OXSR1: variants seen among roughly 807,000 people sequenced by gnomAD.
OXSR1 encodes the protein oxidative stress responsive kinase 1, also known as serine/threonine-protein kinase OSR1.
In OXSR1, 24 loss-of-function variants were observed where a neutral mutation model predicts 79.8. The observed-to-expected ratio is 0.30, with a 90% confidence interval of 0.22 to 0.42. OXSR1 has a LOEUF of 0.42. Among genes scored for constraint, OXSR1 ranks in the 10% least tolerant of loss-of-function variants. The pLI is 1.00. For missense variants in OXSR1, 430 were observed against 618.4 expected (o/e 0.70, Z 3.23); for synonymous variants, 226 against 209.2 (o/e 1.08, Z -0.69).
At chr3:38,202,184 G>A (rs1054328887) in intron 4 of OXSR1, among the ~76,000 whole-genome samples, 1 of 152,186 alleles carries the variant, frequency 6.6e-6, no homozygotes, top group African/African-American at 2.4e-5. Flanking sequence ...ATAAAAAACT[G>A]AGGAAGCAGA....
chr3:38,252,773 T>A, intron 17 of OXSR1, 44 bp from the exon 18 acceptor site: 1 of 1,509,874 alleles, frequency 6.6e-7, no homozygotes, highest in South Asian at 1.1e-5. Flanking sequence ...ACCTGCAAGT[T>A]TGTTTATAAA....
chr3:38,180,062 C>T (rs747073326), intron 1 of OXSR1, among the ~76,000 whole-genome samples: 10 of 152,196 alleles, frequency 6.6e-5, no homozygotes, highest in Non-Finnish European at 1.5e-4. Flanking sequence ...CCCACCTTGG[C>T]TTCCCAAAGT....
At chr3:38,202,818 C>T (rs1241600040) in intron 4 of OXSR1, among the ~76,000 whole-genome samples, 1 of 152,146 alleles carries the variant, frequency 6.6e-6, no homozygotes, top group Non-Finnish European at 1.5e-5. Flanking sequence ...AAGAGGTGAG[C>T]CCTCTGTCAC....
intron 1 of OXSR1, among the ~76,000 whole-genome samples, chr3:38,177,412 C>G (rs1701694172): frequency 6.6e-6 from 1 of 152,186 alleles, no homozygotes; most frequent in Admixed American, 6.5e-5. Flanking sequence ...AGCCAAGAAG[C>G]AGATCAACTG....
At chr3:38,198,436 G>A (rs1702105110) in intron 3 of OXSR1, among the ~76,000 whole-genome samples, 1 of 152,050 alleles carries the variant, frequency 6.6e-6, no homozygotes, top group African/African-American at 2.4e-5. Flanking sequence ...GTTTACCTAG[G>A]GATTATTTAG....
Position 38,228,157 on chromosome 3 carries a change from A to C in OXSR1, c.837-1530A>C, listed in dbSNP as rs750123192. Among the ~76,000 whole-genome samples, 7 of 152,190 alleles carry C rather than the reference A, an allele frequency of 4.6e-5. 1 individual carries two copies. The highest frequency in any genetic ancestry group is 3.2e-3 in the Middle Eastern group (1 of 316). ...CTGTGACTTTAACCCAGAGTTCTCC[A>C]GCTAGTCAGACTATCATTCAAGAAT... On this transcript the variant is annotated intron_variant, in intron 8 of 17. Transcript: ENST00000311806.
At chr3:38,224,783 A>G in intron 8 of OXSR1, 79 bp downstream of exon 8, 1 of 951,338 alleles carries the variant, frequency 1.1e-6, no homozygotes, top group Non-Finnish European at 1.5e-6. Context: ...TCATATGTAC[A>G]GGAAATTATT....
Position 38,251,465 on chromosome 3 carries a change from G to A in OXSR1, c.1438G>A (p.Val480Ile). 2 of 1,610,614 alleles carry A rather than the reference G, an allele frequency of 1.2e-6. No individual in the cohort carries two copies. Among genetic ancestry groups the A allele is most frequent in the Non-Finnish European group, 1.7e-6 (2 of 1,176,860 alleles). ...TGGCCTGGTCGACGGAAGGGATTTAGTAATAGGTAACTCCATTGCGTTCTG... is the reference window on the plus strand; with the variant it reads ...TGGCCTGGTCGACGGAAGGGATTTAATAATAGGTAACTCCATTGCGTTCTG... ...SAGLVDGRDLVIVAANLQKIV... is the reference protein window; with the variant it reads ...SAGLVDGRDLIIVAANLQKIV... Residue 480 changes from valine (V) to isoleucine (I), a missense_variant, in exon 16 of 18, where the codon GTA becomes ATA. This residue lies in a region of OXSR1 where 276 missense variants were observed against 354.2 expected (regional missense o/e 0.78). Transcript: ENST00000311806.
At chr3:38,207,888 G>A (rs908778936) in intron 4 of OXSR1, among the ~76,000 whole-genome samples, 2 of 17,388 alleles carry the variant, frequency 1.2e-4, no homozygotes, top group Admixed American at 1.0e-3. Context: ...CCCCACCCCC[G>A]TCCTTCCTCC....
At chr3:38,176,619 G>A (rs953041078) in intron 1 of OXSR1, among the ~76,000 whole-genome samples, 1 of 152,196 alleles carries the variant, frequency 6.6e-6, no homozygotes, top group African/African-American at 2.4e-5. Context: ...AAGAACTGGA[G>A]CCTGCAAATC....
At chr3:38,179,563 A>G (rs1415775584) in intron 1 of OXSR1, among the ~76,000 whole-genome samples, 2 of 152,202 alleles carry the variant, frequency 1.3e-5, no homozygotes, top group African/African-American at 4.8e-5. Context: ...AACCATCACC[A>G]TTAATTCCAG....
At chr3:38,232,278 G>A (rs1702824834) in intron 10 of OXSR1, among the ~76,000 whole-genome samples, 1 of 151,890 alleles carries the variant, frequency 6.6e-6, no homozygotes. Context: ...AAAAATTAAT[G>A]AGCTATGGTG....
chr3:38,247,203 G>A (rs532529060), intron 13 of OXSR1, among the ~76,000 whole-genome samples: 1 of 152,046 alleles, frequency 6.6e-6, no homozygotes, highest in African/African-American at 2.4e-5. Flanking sequence ...AGCAAGCGCT[G>A]TACAATTTTC....
intron 11 of OXSR1, among the ~76,000 whole-genome samples, chr3:38,237,435 C>T (rs1347546922): frequency 2.0e-5 from 3 of 152,180 alleles, no homozygotes; most frequent in Non-Finnish European, 4.4e-5. Context: ...TGGTTCATTT[C>T]ATCACTCTTG....
At chr3:38,208,995 CGT>C (rs1702327631) in intron 4 of OXSR1, among the ~76,000 whole-genome samples, 3 of 150,976 alleles carry the variant, frequency 2.0e-5, no homozygotes, top group Admixed American at 1.3e-4. Context: ...TGCGCGCGCG[CGT>C]GCGCGCATGT....
chr3:38,235,032 G>A (rs1222646739), intron 10 of OXSR1, among the ~76,000 whole-genome samples: 1 of 152,144 alleles, frequency 6.6e-6, no homozygotes, highest in Non-Finnish European at 1.5e-5. Flanking sequence ...GTTGAAAATA[G>A]GCAAATGTAA....
chr3:38,190,489 G>A (rs1424469092), intron 2 of OXSR1, among the ~76,000 whole-genome samples: 2 of 152,134 alleles, frequency 1.3e-5, no homozygotes, highest in East Asian at 3.9e-4. Flanking sequence ...GCCAGGGTGT[G>A]TTAAATAGTG....
At position 38,247,706 on chromosome 3, in the gene OXSR1, C is replaced by G; in HGVS notation, c.1296C>G (p.Ile432Met). The G allele has an allele frequency of 6.2e-7, 1 of 1,611,618 alleles. No individual in the cohort carries two copies. The highest frequency in any genetic ancestry group is 8.5e-7 in the Non-Finnish European group (1 of 1,178,002). The change falls in exon 14 of 18, where the codon ATC (isoleucine) becomes ATG (methionine). Residue 432 changes from isoleucine (I) to methionine (M), a missense_variant. This residue lies in a region of OXSR1 where 276 missense variants were observed against 354.2 expected (regional missense o/e 0.78). Coordinates refer to ENST00000311806, the MANE Select transcript of OXSR1 (RefSeq NM_005109.3). ...SSGSGSQETKIPISLVLRLRN... is the reference protein window; with the variant it reads ...SSGSGSQETKMPISLVLRLRN... ...GATCAGGTTCACAAGAAACCAAGAT[C>G]CCAATCAGTCTAGTACTAAGATTAA...
chr3:38,236,682 G>A (rs1702924658), intron 10 of OXSR1, 157 bp from the exon 11 acceptor site: 1 of 565,208 alleles, frequency 1.8e-6, no homozygotes, highest in South Asian at 3.6e-5. Flanking sequence ...CAGAGAGCAG[G>A]TGATGGTTGG....
Sources: allele counts gnomAD v4.1 joint callset (sites outside exome capture counted in the v4.1 genomes callset), GRCh38; gene constraint gnomAD v4.1.1; regional missense constraint gnomAD v4.1.1; transcripts MANE v1.5; gene names NCBI Gene and HGNC (gene_info 2026-07-23, HGNC 2026-07-21).